Variants in SMARCC1 observed in about 807,000 individuals in gnomAD.
SMARCC1 encodes SWI/SNF complex subunit SMARCC1.
SMARCC1 carries 43 observed loss-of-function variants against 147.4 expected under a neutral mutation model. The ratio of observed to expected loss-of-function variants is 0.29; its 90% CI spans 0.23 to 0.38. The LOEUF is 0.38. Ranked by LOEUF, SMARCC1 falls within the 10% of genes least tolerant of loss-of-function variation. The probability of loss-of-function intolerance (pLI) is 1.00; values close to 1 mark genes in which losing one functional copy is unlikely to be tolerated. For missense variants in SMARCC1, 1,119 were observed against 1,381.1 expected, an observed-to-expected ratio of 0.81 and a Z score of 3.01; for synonymous variants, 495 against 484.4, an observed-to-expected ratio of 1.02 and a Z score of -0.29.
chr3:47,691,818 G>A (rs901443233), intron 12 of SMARCC1, among the ~76,000 whole-genome samples: 4 of 151,948 alleles, frequency 2.6e-5, no homozygotes, highest in African/African-American at 7.3e-5. Context: ...TGGCCAACCC[G>A]GTAAAACCCC....
Position 47,586,954 on chromosome 3 carries a change from C to T in SMARCC1, c.*1255G>A, listed in dbSNP as rs1213268249. 1 of 152,614 alleles carries T rather than the reference C, an allele frequency of 6.6e-6. No individual in the cohort carries two copies. Among genetic ancestry groups the T allele is most frequent in the Non-Finnish European group, 1.5e-5 (1 of 68,036 alleles). 9.5% of individuals were successfully genotyped at this position (152,614 alleles called of 1,614,324 possible). On this transcript the variant is annotated 3_prime_UTR_variant, in exon 28 of 28. Transcript: ENST00000254480. The stretch of plus-strand genomic sequence containing the variant: ...CCCTCCCAGCCTGAGCACCCCAAAC[C>T]TCAAAGCATGATGCTCTGACTGCCA...
chr3:47,670,996 C>A (rs1377491098), intron 18 of SMARCC1, among the ~76,000 whole-genome samples: 1 of 151,434 alleles, frequency 6.6e-6, no homozygotes, highest in Non-Finnish European at 1.5e-5. Context: ...ACAAGCCTGG[C>A]CAACACGGTG....
At chr3:47,691,279 T>C (rs1346156648) in intron 12 of SMARCC1, among the ~76,000 whole-genome samples, 3 of 152,084 alleles carry the variant, frequency 2.0e-5, no homozygotes, top group African/African-American at 7.2e-5. Context: ...AAGACCTATA[T>C]TTGATGAGGT....
At chr3:47,734,428 A>G (rs2034416226) in intron 5 of SMARCC1, among the ~76,000 whole-genome samples, 1 of 152,238 alleles carries the variant, frequency 6.6e-6, no homozygotes, top group Admixed American at 6.6e-5. Flanking sequence ...ATTAACTTTC[A>G]GAACATGCAA....
chr3:47,610,424 T>C (rs2032548542), intron 25 of SMARCC1, 97 bp from the exon 26 acceptor site: 1 of 1,299,828 alleles, frequency 7.7e-7, no homozygotes, highest in South Asian at 1.3e-5. Flanking sequence ...ATTACCTCTA[T>C]CCCATCACAC....
chr3:47,668,312 T>G (rs1338493282), intron 19 of SMARCC1, among the ~76,000 whole-genome samples: 2 of 152,210 alleles, frequency 1.3e-5, no homozygotes, highest in African/African-American at 2.4e-5. Context: ...ACAACTGAAG[T>G]CTTATTCAAA....
intron 18 of SMARCC1, among the ~76,000 whole-genome samples, chr3:47,674,885 A>G (rs1429940232): frequency 1.3e-5 from 2 of 152,066 alleles, no homozygotes; most frequent in East Asian, 3.9e-4. Flanking sequence ...TTTGGACTGT[A>G]TCATTCATTT....
chr3:47,638,145 C>T (rs1020079422), intron 22 of SMARCC1, among the ~76,000 whole-genome samples: 4 of 152,156 alleles, frequency 2.6e-5, no homozygotes, highest in African/African-American at 9.7e-5. Context: ...GGATGGAGTG[C>T]AGTGGCGCGA....
At chr3:47,769,409 A>C (rs2034881360) in intron 2 of SMARCC1, among the ~76,000 whole-genome samples, 1 of 151,456 alleles carries the variant, frequency 6.6e-6, no homozygotes, top group Non-Finnish European at 1.5e-5. Context: ...CCAGCTACTT[A>C]GTAGAGACGG....
chr3:47,628,737 T>C (rs2032846801), intron 24 of SMARCC1, among the ~76,000 whole-genome samples: 1 of 152,144 alleles, frequency 6.6e-6, no homozygotes, highest in African/African-American at 2.4e-5. Flanking sequence ...GCTTAATTTT[T>C]GTATTTTTAG....
At chr3:47,637,572 TGTG>T in intron 22 of SMARCC1, among the ~76,000 whole-genome samples, 1 of 152,114 alleles carries the variant, frequency 6.6e-6, no homozygotes, top group Non-Finnish European at 1.5e-5. Flanking sequence ...ATTAGCTGGA[TGTG>T]GTGGCGCGTG....
rs548820853 is a variant in SMARCC1, at chr3:47,751,456, G to A, written c.316-5463C>T. Among the ~76,000 whole-genome samples the A allele has an allele frequency of 2.4e-4, 37 of 151,800 alleles. 1 individual carries two copies. In the East Asian group the frequency reaches 7.1e-3, roughly 29 times the overall value. ...CTTGGGAGGCTGAGGCAGAAGAATC[G>A]CTTGAACCCAGGAGGCGGAAGTTGC... On this transcript the variant is annotated intron_variant, in intron 2 of 27. Coordinates refer to ENST00000254480, the MANE Select transcript of SMARCC1 (RefSeq NM_003074.4).
chr3:47,726,809 A>G (rs1158580921), intron 6 of SMARCC1, among the ~76,000 whole-genome samples: 3 of 152,362 alleles, frequency 2.0e-5, no homozygotes, highest in Non-Finnish European at 2.9e-5. Flanking sequence ...TTCAGTATCA[A>G]TGAATTTCAC....
intron 2 of SMARCC1, among the ~76,000 whole-genome samples, chr3:47,765,188 T>C (rs1376653798): frequency 6.6e-6 from 1 of 151,858 alleles, no homozygotes; most frequent in African/African-American, 2.4e-5. Flanking sequence ...GAGGCAGAGG[T>C]TGCAGTAAGC....
At chr3:47,704,848 T>C (rs748072168) in intron 10 of SMARCC1, among the ~76,000 whole-genome samples, 54 of 151,744 alleles carry the variant, frequency 3.6e-4, no homozygotes, top group Non-Finnish European at 7.1e-4. Flanking sequence ...GCCCAGGAGA[T>C]GGAGGCTGCA....
chr3:47,599,478 C>A (rs1288256434), intron 26 of SMARCC1, among the ~76,000 whole-genome samples: 1 of 152,230 alleles, frequency 6.6e-6, no homozygotes. Flanking sequence ...TTAACTCATT[C>A]AATCCCCATA....
intron 26 of SMARCC1, among the ~76,000 whole-genome samples, chr3:47,596,433 T>G (rs992465391): frequency 6.6e-6 from 1 of 151,952 alleles, no homozygotes; most frequent in Non-Finnish European, 1.5e-5. Context: ...CTGGGTGTGA[T>G]GGTGGGCACC....
chr3:47,740,778 G>T (rs1227479084), intron 3 of SMARCC1, among the ~76,000 whole-genome samples: 1 of 147,182 alleles, frequency 6.8e-6, no homozygotes, highest in African/African-American at 2.5e-5. Flanking sequence ...CTACTGGCTA[G>T]AAGAATGTGC....
chr3:47,718,416 A>G (rs1176705740), intron 7 of SMARCC1, among the ~76,000 whole-genome samples: 1 of 152,186 alleles, frequency 6.6e-6, no homozygotes, highest in African/African-American at 2.4e-5. Flanking sequence ...CCTGGGAGAA[A>G]GAGTAAGACT....
Sources: allele counts gnomAD v4.1 joint callset (sites outside exome capture counted in the v4.1 genomes callset), GRCh38; gene constraint gnomAD v4.1.1; transcripts MANE v1.5; gene names NCBI Gene and HGNC (gene_info 2026-07-23, HGNC 2026-07-21).